Variants in SPTBN1 observed in about 807,000 individuals in gnomAD.
SPTBN1 encodes spectrin beta chain, non-erythrocytic 1.
Under a neutral mutation model 266.4 loss-of-function variants are expected in SPTBN1, and 32 were observed. The ratio of observed to expected loss-of-function variants is 0.12; its 90% CI spans 0.09 to 0.16. The LOEUF (loss-of-function observed/expected upper bound fraction) is 0.16, where lower values mean the gene tolerates loss of function less well. Among genes scored for constraint, SPTBN1 ranks in the 10% least tolerant of loss-of-function variants. SPTBN1 has a pLI of 1.00. For synonymous variants in SPTBN1, 1,336 were observed against 1,162.2 expected, an observed-to-expected ratio of 1.15 and a Z score of -3.04; for missense variants, 2,296 against 3,067.1, an observed-to-expected ratio of 0.75 and a Z score of 5.94.
chr2:54,586,786 T>C (rs1675325941), intron 2 of SPTBN1, among the ~76,000 whole-genome samples: 1 of 152,230 alleles, frequency 6.6e-6, no homozygotes, highest in Non-Finnish European at 1.5e-5. Flanking sequence ...ATAGGAGAGC[T>C]GTCGGAAACT....
At chr2:54,667,818 T>C (rs1681463909) in intron 35 of SPTBN1, among the ~76,000 whole-genome samples, 172 bp downstream of exon 35, 1 of 152,172 alleles carries the variant, frequency 6.6e-6, no homozygotes, top group Non-Finnish European at 1.5e-5. Flanking sequence ...TAGAAGGCAG[T>C]GAATATGATC....
chr2:54,653,456 C>G lies in SPTBN1; in HGVS notation c.5578-153C>G. 8.1e-7 allele frequency: 1 copy of G among 1,230,784 alleles called. No homozygotes were observed. The highest frequency in any genetic ancestry group is 1.1e-6 in the Non-Finnish European group (1 of 908,182). 76.2% of individuals were successfully genotyped at this position (1,230,784 alleles called of 1,614,324 possible). A position where few individuals can be genotyped will look rare whatever the true frequency, so the allele number is the denominator to read the frequency against. On this transcript the variant is annotated intron_variant, in intron 26 of 35. Transcript: ENST00000356805. The surrounding 1 kb of genome is among the most constrained non-coding windows in gnomAD (Gnocchi z 5.1). The stretch of plus-strand genomic sequence containing the variant: ...GAAAACGGGTTTTTGTGACTTGGAT[C>G]TCCCCAGTGAAATTGAGGGCTCCTT...
In SPTBN1 at chr2:54,649,705, C is replaced by G; in HGVS notation, c.5293C>G (p.Leu1765Val). The G allele has an allele frequency of 6.2e-7, 1 of 1,614,134 alleles. No individual in the cohort carries two copies. The highest frequency in any genetic ancestry group is 8.5e-7 in the Non-Finnish European group (1 of 1,180,028). The change falls in exon 26 of 36, where the codon CTC becomes GTC. Residue 1765 changes from leucine to valine, a missense_variant. Around this residue, in one of 12 missense-constraint regions of SPTBN1, gnomAD observed 644 missense variants for 745.3 expected, o/e 0.86. Coordinates refer to ENST00000356805, the MANE Select transcript of SPTBN1 (RefSeq NM_003128.3). This position sits in a 1 kb window ranked among gnomAD's most constrained non-coding sequence, Gnocchi z 6.7. Reference sequence around the variant, plus strand: ...CACGGTCAATCACCTGGCAGATGAGCTCATCAACTCTGGACATTCAGATGC... The same window carrying G: ...CACGGTCAATCACCTGGCAGATGAGGTCATCAACTCTGGACATTCAGATGC... ...VDTVNHLADE[L>V]INSGHSDAAT...
chr2:54,610,830 C>G (rs1420583883), intron 3 of SPTBN1, among the ~76,000 whole-genome samples: 2 of 152,154 alleles, frequency 1.3e-5, no homozygotes, highest in African/African-American at 4.8e-5. Flanking sequence ...TGATATTAGT[C>G]AAGGTTTACA....
chr2:54,643,189 C>CTTTT, intron 19 of SPTBN1, 60 bp downstream of exon 19: 2 of 1,598,766 alleles, frequency 1.3e-6, no homozygotes, highest in South Asian at 2.2e-5. Context: ...TAATAAACTC[C>CTTTT]TTTTTATTTA....
chr2:54,462,812 C>T (rs373410026), intron 1 of SPTBN1, among the ~76,000 whole-genome samples: 6 of 152,208 alleles, frequency 3.9e-5, no homozygotes, highest in African/African-American at 1.4e-4. Context: ...GGGGTTAAAA[C>T]ATGGCACATG....
intron 2 of SPTBN1, among the ~76,000 whole-genome samples, chr2:54,594,833 C>CTTTTTTTT (rs71408777): frequency 0.051 from 5,333 of 104,506 alleles, 814 homozygotes; most frequent in African/African-American, 0.17. Context: ...TGGTAAGTTT[C>CTTTTTTTT]TTTTTTTTTT....
At position 54,646,183 on chromosome 2, in the gene SPTBN1, G is replaced by T. The variant is rs199641581; in HGVS notation, c.4585-11G>T. The T allele has an allele frequency of 1.3e-6, 2 of 1,597,316 alleles. No homozygotes were observed. Among genetic ancestry groups the T allele is most frequent in the East Asian group, 4.5e-5 (2 of 44,600 alleles). On this transcript the variant is annotated splice_polypyrimidine_tract_variant and intron_variant, in intron 22 of 35. Coordinates refer to ENST00000356805, the MANE Select transcript of SPTBN1 (RefSeq NM_003128.3). The surrounding 1 kb of genome is among the most constrained non-coding windows in gnomAD (Gnocchi z 4.4). The stretch of plus-strand genomic sequence containing the variant: ...TAGCAAGCCTTTGTGTGTATTTTCC[G>T]CTCCCTCCAGACCCTCCAGAAAGAA...
chr2:54,661,570 G>A (rs1681047480), intron 32 of SPTBN1: 2 of 985,780 alleles, frequency 2.0e-6, no homozygotes, highest in Non-Finnish European at 2.4e-6. Flanking sequence ...TGTTCTGGGG[G>A]TAGTATGCAT....
intron 2 of SPTBN1, among the ~76,000 whole-genome samples, chr2:54,552,672 G>C (rs1266264456): frequency 1.3e-5 from 2 of 151,768 alleles, no homozygotes; most frequent in African/African-American, 4.8e-5. Flanking sequence ...GGTCAGGCTG[G>C]TCTCCACCTC....
intron 1 of SPTBN1, among the ~76,000 whole-genome samples, chr2:54,470,948 A>T (rs1479207962): frequency 1.3e-5 from 2 of 152,178 alleles, no homozygotes; most frequent in Non-Finnish European, 2.9e-5. Context: ...ATTATGAGAT[A>T]TTTTTTGTGA....
chr2:54,542,323 G>T (rs908496770), intron 2 of SPTBN1, among the ~76,000 whole-genome samples: 1 of 152,268 alleles, frequency 6.6e-6, no homozygotes, highest in Admixed American at 6.5e-5. Flanking sequence ...GATGCCATGA[G>T]AAGAGCTGCA....
At chr2:54,487,832 C>CTTTTTTTTTTATT (rs1553432532) in intron 1 of SPTBN1, among the ~76,000 whole-genome samples, 1 of 68,644 alleles carries the variant, frequency 1.5e-5, no homozygotes, top group African/African-American at 5.5e-5. Context: ...CCTCCTGTGT[C>CTTTTTTTTTTATT]TTTTTTTTTT....
intron 2 of SPTBN1, among the ~76,000 whole-genome samples, chr2:54,596,153 C>T (rs762704812): frequency 6.6e-6 from 1 of 152,176 alleles, no homozygotes; most frequent in East Asian, 1.9e-4. Flanking sequence ...CTTGGAAGCA[C>T]TCCTGGATTG....
At chr2:54,541,406 G>A (rs562486220) in intron 2 of SPTBN1, among the ~76,000 whole-genome samples, 6 of 152,334 alleles carry the variant, frequency 3.9e-5, no homozygotes, top group African/African-American at 1.4e-4. Context: ...AGACTACCTT[G>A]AGAAATACAG....
At chr2:54,579,866 A>G (rs1352890357) in intron 2 of SPTBN1, among the ~76,000 whole-genome samples, 1 of 152,212 alleles carries the variant, frequency 6.6e-6, no homozygotes, top group Non-Finnish European at 1.5e-5. Flanking sequence ...CACAGCAGTT[A>G]ACTGTATTGA....
Position 54,526,534 on chromosome 2 carries a change from T to G in SPTBN1, c.116T>G (p.Leu39Arg), listed in dbSNP as rs1175742054. The change falls in exon 2 of 36, where the codon CTT (leucine) becomes CGT (arginine). Residue 39 changes from leucine to arginine, a missense_variant. Physicochemically the swap from Leu to Arg is moderately radical, Grantham distance 102 (BLOSUM62 -2). This residue lies in a region of SPTBN1 where 178 missense variants were observed against 375.7 expected (regional missense o/e 0.47). Coordinates refer to ENST00000356805, the MANE Select transcript of SPTBN1 (RefSeq NM_003128.3). ...DWDNENSSARLFERSRIKALA... is the reference protein window; with the variant it reads ...DWDNENSSARRFERSRIKALA... ...GACAATGAGAACAGCTCTGCGCGGC[T>G]TTTTGAGCGGTCCCGCATCAAGGCT... The G allele has an allele frequency of 1.2e-6, 2 of 1,613,908 alleles. No homozygotes were observed. Among genetic ancestry groups the G allele is most frequent in the Non-Finnish European group, 8.5e-7 (1 of 1,179,964 alleles).
chr2:54,525,753 C>T (rs758825514), intron 1 of SPTBN1, among the ~76,000 whole-genome samples: 2 of 151,932 alleles, frequency 1.3e-5, no homozygotes, highest in African/African-American at 4.8e-5. Flanking sequence ...CTTTTTGAGA[C>T]GGAGTCTCGC....
At chr2:54,577,296 T>C (rs780822956) in intron 2 of SPTBN1, among the ~76,000 whole-genome samples, 4 of 152,202 alleles carry the variant, frequency 2.6e-5, no homozygotes, top group Non-Finnish European at 5.9e-5. Flanking sequence ...CATGGCCGTT[T>C]ACTCTGGTCA....
Sources: allele counts gnomAD v4.1 joint callset (sites outside exome capture counted in the v4.1 genomes callset), GRCh38; gene constraint gnomAD v4.1.1; regional missense constraint gnomAD v4.1.1; non-coding constraint Gnocchi (gnomAD v3.1); transcripts MANE v1.5; gene names NCBI Gene and HGNC (gene_info 2026-07-23, HGNC 2026-07-21).